MS4A4A: variants seen among roughly 807,000 people sequenced by gnomAD.
MS4A4A encodes the protein membrane spanning 4-domains A4A.
MS4A4A carries 26 observed loss-of-function variants against 28.0 expected under a neutral mutation model. The observed-to-expected ratio is 0.93, with a 90% CI of 0.68 to 1.29. The LOEUF is 1.29. Among genes scored for constraint, MS4A4A ranks in the 50% most tolerant of loss-of-function variants. MS4A4A has a pLI of 0.00. For missense variants in MS4A4A, 290 were observed against 293.1 expected (o/e 0.99, Z 0.08); for synonymous variants, 86 against 100.8 (o/e 0.85, Z 0.88).
chr11:60,294,892 A>ACTTCTTCCT (rs1554993356), intron 2 of MS4A4A, among the ~76,000 whole-genome samples: 1 of 130,846 alleles, frequency 7.6e-6, no homozygotes, highest in African/African-American at 2.9e-5. Flanking sequence ...TACAACTACT[A>ACTTCTTCCT]CTTCTTCTTC....
At chr11:60,297,021 T>G in intron 2 of MS4A4A, 176 bp from the exon 3 acceptor site, 1 of 740,592 alleles carries the variant, frequency 1.4e-6, no homozygotes, top group Non-Finnish European at 2.1e-6. Context: ...GAGATAATAT[T>G]GGTAAGATTA....
At position 60,291,817 on chromosome 11, in the gene MS4A4A, C is replaced by A. The variant is rs943649736; in HGVS notation, c.42-408C>A. 1.8e-3 allele frequency among the ~76,000 whole-genome samples: 252 copies of A among 137,436 alleles called. 1 individual carries two copies. The highest frequency in any genetic ancestry group is 3.8e-3 in the Middle Eastern group (1 of 262). 90.2% of individuals were successfully genotyped at this position (137,436 alleles called of 152,430 possible). A position where few individuals can be genotyped will look rare whatever the true frequency, so the allele number is the denominator to read the frequency against. On this transcript the variant is annotated intron_variant, in intron 1 of 6. Transcript: ENST00000337908. ...ATCTCAAAAAAAAAAAACAAAAAAA[C>A]AAAACTAAAAAACAAAGTAATCCTT...
chr11:60,292,468 G>A (rs2084866252), intron 2 of MS4A4A, 84 bp downstream of exon 2: 1 of 1,368,692 alleles, frequency 7.3e-7, no homozygotes, highest in East Asian at 2.7e-5. Context: ...TGTCCCACTA[G>A]CCTCATAATA....
At chr11:60,284,249 C>T (rs954548708) in intron 1 of MS4A4A, among the ~76,000 whole-genome samples, 16 of 152,186 alleles carry the variant, frequency 1.1e-4, no homozygotes, top group African/African-American at 3.9e-4. Flanking sequence ...TGAAATAACA[C>T]ATATAAAACA....
chr11:60,285,917 C>G (rs1196519457), intron 1 of MS4A4A, among the ~76,000 whole-genome samples: 1 of 152,122 alleles, frequency 6.6e-6, no homozygotes, highest in African/African-American at 2.4e-5. Flanking sequence ...TACAATTCAC[C>G]AGGCTGGAAT....
In MS4A4A at chr11:60,297,337, A is replaced by C. The variant is rs767186927; in HGVS notation, c.330+12A>C. Reference sequence around the variant, plus strand: ...GGGGGTCAGTAATGGTGAGTAGAGTATCTTTTGATATAATTGAAGATAACA... The same window carrying C: ...GGGGGTCAGTAATGGTGAGTAGAGTCTCTTTTGATATAATTGAAGATAACA... On this transcript the variant is annotated intron_variant, in intron 3 of 6. Coordinates refer to ENST00000337908, the MANE Select transcript of MS4A4A (RefSeq NM_148975.3). 3 of 1,612,148 alleles carry C rather than the reference A, an allele frequency of 1.9e-6. No homozygotes were observed. Among genetic ancestry groups the C allele is most frequent in the Non-Finnish European group, 2.5e-6 (3 of 1,178,846 alleles).
At chr11:60,293,638 A>G (rs2084876742) in intron 2 of MS4A4A, among the ~76,000 whole-genome samples, 1 of 152,226 alleles carries the variant, frequency 6.6e-6, no homozygotes, top group South Asian at 2.1e-4. Context: ...ATAGTATCCC[A>G]CCAATCCCTG....
intron 1 of MS4A4A, among the ~76,000 whole-genome samples, chr11:60,282,096 C>T (rs886882045): frequency 1.3e-5 from 2 of 152,072 alleles, no homozygotes; most frequent in African/African-American, 4.8e-5. Context: ...AAAGCACCAG[C>T]CTTGAATGAC....
chr11:60,284,103 AG>A (rs1304533289), intron 1 of MS4A4A, among the ~76,000 whole-genome samples: 3 of 152,234 alleles, frequency 2.0e-5, no homozygotes, highest in Non-Finnish European at 4.4e-5. Flanking sequence ...GATCCCCTTA[AG>A]CAAAGGAGTT....
At chr11:60,294,895 TCTTCTTCTTCTTCTTC>T (rs2084891054) in intron 2 of MS4A4A, among the ~76,000 whole-genome samples, 1 of 14,416 alleles carries the variant, frequency 6.9e-5, no homozygotes, top group Non-Finnish European at 3.7e-4. Flanking sequence ...AACTACTACT[TCTTCTTCTTCTTCTTC>T]TTCTTCTTCT....
At chr11:60,289,952 G>C (rs1023168369) in intron 1 of MS4A4A, 1 of 201,564 alleles carries the variant, frequency 5.0e-6, no homozygotes, top group Non-Finnish European at 1.1e-5. Flanking sequence ...CTTCATGTTT[G>C]TGATTTAATT....
In MS4A4A at chr11:60,297,184, T is replaced by C; in HGVS notation, c.202-13T>C. On this transcript the variant is annotated splice_polypyrimidine_tract_variant and intron_variant, in intron 2 of 6. Coordinates refer to ENST00000337908, the MANE Select transcript of MS4A4A (RefSeq NM_148975.3). ...GGTGGACAATCAGTTTTTGCTTTCT[T>C]CACCATTTTTAGGTTGTGCAGATTC... 6.2e-7 allele frequency: 1 copy of C among 1,612,404 alleles called. No homozygotes were observed. The highest frequency in any genetic ancestry group is 1.1e-5 in the South Asian group (1 of 91,038).
chr11:60,292,193 G>A (rs1401893531), intron 1 of MS4A4A, 32 bp from the exon 2 acceptor site: 4 of 1,507,602 alleles, frequency 2.7e-6, no homozygotes, highest in East Asian at 2.4e-5. Context: ...CCATTTCCAG[G>A]ACATCATACT....
intron 3 of MS4A4A, among the ~76,000 whole-genome samples, chr11:60,300,383 G>A (rs1320787923): frequency 3.3e-5 from 5 of 151,956 alleles, no homozygotes; most frequent in Admixed American, 1.3e-4. Context: ...TTGGGAGGCC[G>A]AGGCGGGCGG....
At chr11:60,301,905 G>A (rs1042461225) in intron 4 of MS4A4A, among the ~76,000 whole-genome samples, 2 of 152,132 alleles carry the variant, frequency 1.3e-5, no homozygotes, top group African/African-American at 2.4e-5. Flanking sequence ...TTAGCCTCCC[G>A]AGTAGCTGGG....
At chr11:60,300,433 G>A (rs946469286) in intron 3 of MS4A4A, among the ~76,000 whole-genome samples, 6 of 151,656 alleles carry the variant, frequency 4.0e-5, no homozygotes, top group Non-Finnish European at 8.8e-5. Flanking sequence ...TGGCTAACAC[G>A]GTGAAACCCC....
chr11:60,304,828 T>C (rs2084984073), intron 5 of MS4A4A, among the ~76,000 whole-genome samples: 1 of 152,238 alleles, frequency 6.6e-6, no homozygotes, highest in Non-Finnish European at 1.5e-5. Flanking sequence ...TCTACACTTC[T>C]AGATGGTAAA....
intron 2 of MS4A4A, among the ~76,000 whole-genome samples, chr11:60,296,593 T>C (rs1023911643): frequency 2.6e-5 from 4 of 152,116 alleles, no homozygotes; most frequent in African/African-American, 9.7e-5. Context: ...TTTTCTAATA[T>C]ATTCATTCAA....
At chr11:60,294,357 T>A (rs2084884007) in intron 2 of MS4A4A, among the ~76,000 whole-genome samples, 1 of 152,208 alleles carries the variant, frequency 6.6e-6, no homozygotes, top group South Asian at 2.1e-4. Flanking sequence ...TGGGTAACGA[T>A]CCTTTGTCAG....
Sources: gnomAD v4.1 joint callset for allele counts (sites outside exome capture counted in the v4.1 genomes callset) on GRCh38, gnomAD v4.1.1 for gene constraint, MANE v1.5 for transcripts, NCBI Gene and HGNC (gene_info 2026-07-23, HGNC 2026-07-21) for gene names.